The following RBM43 variants were observed in gnomAD, a reference collection of about 807,000 sequenced individuals.
RBM43 encodes the protein RNA-binding protein 43.
Under a neutral mutation model 12.4 loss-of-function variants are expected in RBM43, and 12 were observed. That is an observed-to-expected ratio of 0.97 (90% confidence interval 0.62 to 1.57). RBM43 has a LOEUF of 1.57. Among genes scored for constraint, RBM43 ranks in the 40% most tolerant of loss-of-function variants. The pLI, the probability that RBM43 is intolerant of heterozygous loss-of-function variation, is 0.00. For missense variants in RBM43, 348 were observed against 400.1 expected, an observed-to-expected ratio of 0.87 and a Z score of 1.11; for synonymous variants, 138 against 145.7, an observed-to-expected ratio of 0.95 and a Z score of 0.38.
At chr2:151,258,188 C>T (rs1682998787) in intron 1 of RBM43, among the ~76,000 whole-genome samples, 1 of 151,948 alleles carries the variant, frequency 6.6e-6, no homozygotes, top group Admixed American at 6.6e-5. Context: ...CAGGTGACGA[C>T]TTTCAGAGCA....
Position 151,250,969 on chromosome 2 carries a change from A to T in RBM43, c.1011T>A (p.Ser337=). 1 of 1,610,848 alleles carries T rather than the reference A, an allele frequency of 6.2e-7. No individual in the cohort carries two copies. Among genetic ancestry groups the T allele is most frequent in the Non-Finnish European group, 8.5e-7 (1 of 1,178,520 alleles). The change falls in exon 4 of 4, where the codon TCT becomes TCA. Residue 337 remains serine, a synonymous_variant. Coordinates refer to ENST00000331426, the MANE Select transcript of RBM43 (RefSeq NM_198557.3). ...LYRTHIDIIG[S]SSDTYLFKKG... ...TTTTAAACAGGTAAGTGTCAGAAGA[A>T]GATCCTATAATGTCAATGTGTGTCC...
In RBM43 at chr2:151,251,211, T is replaced by A. The variant is rs1263425108; in HGVS notation, c.769A>T (p.Thr257Ser). The A allele has an allele frequency of 3.1e-6, 5 of 1,613,908 alleles. No individual in the cohort carries two copies. The highest frequency in any genetic ancestry group is 4.2e-6 in the Non-Finnish European group (5 of 1,180,010). The change falls in exon 4 of 4, where the codon ACC becomes TCC. Residue 257 changes from threonine (T) to serine (S), a missense_variant. Transcript: ENST00000331426. Reference protein sequence around the residue: ...LSQEKVDGEITTICLKSIQVG... With the variant: ...LSQEKVDGEISTICLKSIQVG... ...TGAATGCTTTTTAGACAAATTGTGG[T>A]GATTTCACCATCCACTTTCTCCTGA... is the stretch of plus-strand genomic sequence containing the variant.
At chr2:151,256,680 G>A (rs752081355) in intron 1 of RBM43, among the ~76,000 whole-genome samples, 9 of 152,106 alleles carry the variant, frequency 5.9e-5, no homozygotes, top group African/African-American at 9.7e-5. Context: ...GCAGCTGGGC[G>A]TGATGGCGGG....
intron 1 of RBM43, among the ~76,000 whole-genome samples, chr2:151,257,335 C>CAA (rs1192682062): frequency 6.8e-6 from 1 of 146,784 alleles, no homozygotes; most frequent in African/African-American, 2.7e-5. Context: ...CACACACAAA[C>CAA]ACACACACAC....
At chr2:151,256,480 C>T (rs1682977861) in intron 1 of RBM43, among the ~76,000 whole-genome samples, 1 of 152,108 alleles carries the variant, frequency 6.6e-6, no homozygotes, top group Admixed American at 6.6e-5. Context: ...GTAAGAAACA[C>T]ATCCCCTACT....
intron 1 of RBM43, among the ~76,000 whole-genome samples, chr2:151,257,434 G>C (rs1201380574): frequency 6.6e-6 from 1 of 152,214 alleles, no homozygotes; most frequent in Non-Finnish European, 1.5e-5. Context: ...GCTCACACCT[G>C]TAATCCTAGC....
Position 151,251,381 on chromosome 2 carries a change from T to C in RBM43, c.599A>G (p.Asn200Ser), listed in dbSNP as rs200452657. 171 of 1,614,082 alleles carry C rather than the reference T, an allele frequency of 1.1e-4. No homozygotes were observed. The highest frequency in any genetic ancestry group is 9.3e-6 in the Non-Finnish European group (11 of 1,180,024). Residue 200 changes from asparagine (N) to serine (S), a missense_variant, in exon 4 of 4, where the codon AAT becomes AGT. Coordinates refer to ENST00000331426, the MANE Select transcript of RBM43 (RefSeq NM_198557.3). ...GGTCCTGACTGATGCCAAAGAGTTA[T>C]TACTTCTCTGTAGATTCCTCTGGGG... ...QNPQRNLQRSNNSLASVRTLV... is the reference protein window; with the variant it reads ...QNPQRNLQRSSNSLASVRTLV...
intron 2 of RBM43, among the ~76,000 whole-genome samples, chr2:151,253,126 T>C (rs1682926637): frequency 6.6e-6 from 1 of 152,196 alleles, no homozygotes; most frequent in Admixed American, 6.5e-5. Context: ...CCCATCTCTG[T>C]TAATTCTAGT....
At position 151,255,046 on chromosome 2, in the gene RBM43, A is replaced by G. The variant is rs150499076; in HGVS notation, c.214+487T>C. Among the ~76,000 whole-genome samples, 1,357 of 152,358 alleles carry G rather than the reference A, an allele frequency of 8.9e-3. 27 individuals carry two copies. The highest frequency in any genetic ancestry group is 0.031 in the African/African-American group (1,290 of 41,588). ...TTTGCCAGTCACTAACAACTTTATC[A>G]TGAGCCATTTTCATATCTTTTCTTC... On this transcript the variant is annotated intron_variant, in intron 2 of 3. Coordinates refer to ENST00000331426, the MANE Select transcript of RBM43 (RefSeq NM_198557.3).
chr2:151,255,697 A>C lies in RBM43; in HGVS notation c.50T>G (p.Val17Gly), dbSNP rs1682963772. The change falls in exon 2 of 4, where the codon GTT becomes GGT. Residue 17 changes from valine to glycine, a missense_variant. Val to Gly is a moderately radical substitution (Grantham distance 109). Transcript: ENST00000331426. ...GTCAACTGGAAGACCAGCAACTACA[A>C]CCGTTCTTTCAGGAGCTTTGGATTC... ...VKESKAPERT[V>G]VVAGLPVDLF... The C allele has an allele frequency of 6.2e-7, 1 of 1,613,860 alleles. No individual in the cohort carries two copies. The highest frequency in any genetic ancestry group is 8.5e-7 in the Non-Finnish European group (1 of 1,179,986).
chr2:151,261,604 C>T, intron 1 of RBM43, 121 bp downstream of exon 1: 13 of 1,537,330 alleles, frequency 8.5e-6, no homozygotes, highest in South Asian at 1.2e-5. Context: ...CCGTGCGCCG[C>T]CCCCTCCCGC....
rs1682861189 is a variant in RBM43, at chr2:151,249,325, G to A, written c.*1581C>T. The stretch of plus-strand genomic sequence containing the variant: ...CTTTAGTATGTCCAACAAACAAAGA[G>A]AAGGTTGAGGGTTTTATTTAAAACT... On this transcript the variant is annotated 3_prime_UTR_variant, in exon 4 of 4. Coordinates refer to ENST00000331426, the MANE Select transcript of RBM43 (RefSeq NM_198557.3). The A allele has an allele frequency of 6.6e-6, 1 of 151,222 alleles. No homozygotes were observed. Among genetic ancestry groups the A allele is most frequent in the Non-Finnish European group, 1.5e-5 (1 of 67,848 alleles). The allele number at this position is 151,222 out of a possible 1,614,324, so 9.4% of individuals were successfully genotyped here.
At chr2:151,261,210 G>C (rs745607065) in intron 1 of RBM43, 386 of 1,517,004 alleles carry the variant, frequency 2.5e-4, no homozygotes, top group Middle Eastern at 5.3e-4. Context: ...CACCAAGGCA[G>C]ACATAAGACA....
chr2:151,261,107 G>A, intron 1 of RBM43: 3 of 912,234 alleles, frequency 3.3e-6, no homozygotes, highest in Non-Finnish European at 3.2e-6. Context: ...TTCAGAGCAG[G>A]AATTAAAGGC....
At position 151,252,803 on chromosome 2, in the gene RBM43, T is replaced by G; in HGVS notation, c.267A>C (p.Arg89Ser). The change falls in exon 3 of 4, where the codon AGA becomes AGC. Residue 89 changes from arginine (R) to serine (S), a missense_variant. Coordinates refer to ENST00000331426, the MANE Select transcript of RBM43 (RefSeq NM_198557.3). ...QKKHWLARKT[R>S]HAELTVSLRV... ...TGAGAGAGACTGTGAGTTCAGCATG[T>G]CTAGTCTTCCTTGCTAGCCAGTGTT... The G allele has an allele frequency of 6.2e-7, 1 of 1,612,252 alleles. No individual in the cohort carries two copies. Among genetic ancestry groups the G allele is most frequent in the Non-Finnish European group, 8.5e-7 (1 of 1,178,442 alleles).
intron 1 of RBM43, among the ~76,000 whole-genome samples, chr2:151,258,706 C>A (rs1227894606): frequency 6.6e-6 from 1 of 151,602 alleles, no homozygotes; most frequent in African/African-American, 2.4e-5. Flanking sequence ...GTCTCAAAAA[C>A]AAAAAATGCC....
chr2:151,252,356 C>T lies in RBM43; in HGVS notation c.315+399G>A, dbSNP rs565851376. Reference sequence around the variant, plus strand: ...TGGGCAACATAGGGACACCCTGTCTCTACAAAAACTACAAAAATTAGCCAG... The same window carrying T: ...TGGGCAACATAGGGACACCCTGTCTTTACAAAAACTACAAAAATTAGCCAG... On this transcript the variant is annotated intron_variant, in intron 3 of 3. Transcript: ENST00000331426. Among the ~76,000 whole-genome samples, 6 of 152,096 alleles carry T rather than the reference C, an allele frequency of 3.9e-5. No individual in the cohort carries two copies. In the South Asian group the frequency reaches 1.0e-3, roughly 26 times the overall value.
intron 3 of RBM43, among the ~76,000 whole-genome samples, chr2:151,252,098 T>C (rs1200059367): frequency 2.6e-5 from 4 of 152,352 alleles, no homozygotes; most frequent in African/African-American, 9.6e-5. Flanking sequence ...AACTTTTTCC[T>C]CTTTTTCTTA....
At position 151,251,653 on chromosome 2, in the gene RBM43, A is replaced by C. The variant is rs1421720288; in HGVS notation, c.327T>G (p.Ser109=). ...VSHFGDKIFS[S]VNAILDLSVF... ...CAGAAAGATCAAGGATGGCATTTAC[A>C]GAGCTGAAGATCTGAAATTAAAAAG... Residue 109 remains serine, a synonymous_variant, in exon 4 of 4, where the codon TCT becomes TCG. Transcript: ENST00000331426. 6.2e-7 allele frequency: 1 copy of C among 1,607,146 alleles called. No individual in the cohort carries two copies. The highest frequency in any genetic ancestry group is 8.5e-7 in the Non-Finnish European group (1 of 1,178,092).
Sources: gnomAD v4.1 joint callset for allele counts (sites outside exome capture counted in the v4.1 genomes callset) on GRCh38, gnomAD v4.1.1 for gene constraint, MANE v1.5 for transcripts, NCBI Gene and HGNC (gene_info 2026-07-23, HGNC 2026-07-21) for gene names.